The following NRDC variants were observed in gnomAD, a reference collection of about 807,000 sequenced individuals.
The protein encoded by NRDC is nardilysin.
NRDC carries 54 observed loss-of-function variants against 147.1 expected under a neutral mutation model. That is an observed-to-expected ratio of 0.37 (90% CI 0.29 to 0.46). NRDC has a LOEUF of 0.46. NRDC is among the 20% of genes least tolerant of loss of function. The pLI, the probability that NRDC is intolerant of heterozygous loss-of-function variation, is 1.00. For missense variants in NRDC, 1,082 were observed against 1,370.6 expected (o/e 0.79, Z 3.33); for synonymous variants, 440 against 482.1 (o/e 0.91, Z 1.14).
At chr1:51,852,976 C>A (rs887846441) in intron 1 of NRDC, among the ~76,000 whole-genome samples, 3 of 152,008 alleles carry the variant, frequency 2.0e-5, no homozygotes, top group Admixed American at 1.3e-4. Flanking sequence ...ATAATCCCAG[C>A]ACTTTGGGAG....
intron 4 of NRDC, among the ~76,000 whole-genome samples, chr1:51,830,056 C>T (rs1202533154): frequency 1.3e-5 from 2 of 150,954 alleles, no homozygotes; most frequent in Non-Finnish European, 2.9e-5. Flanking sequence ...GCTCTGCCTC[C>T]CACGTTCAAG....
chr1:51,878,694 C>T lies in NRDC; in HGVS notation c.-79G>A, dbSNP rs1001981151. 7.6e-7 allele frequency: 1 copy of T among 1,310,494 alleles called. No individual in the cohort carries two copies. Among genetic ancestry groups the T allele is most frequent in the African/African-American group, 1.5e-5 (1 of 68,770 alleles). The allele number at this position is 1,310,494 out of a possible 1,614,324, so 81.2% of individuals were successfully genotyped here. ...GCGTTCTAGAGGCGGTGGCGGCCGG[C>T]CCTGGTGCTGCCGCAGCCGCGGGGA... On this transcript the variant is annotated 5_prime_UTR_variant, in exon 1 of 31. Transcript: ENST00000352171.
At chr1:51,806,043 G>A (rs1407561645) in intron 18 of NRDC, among the ~76,000 whole-genome samples, 1 of 152,094 alleles carries the variant, frequency 6.6e-6, no homozygotes, top group Non-Finnish European at 1.5e-5. Flanking sequence ...TTGAGGTTGG[G>A]GATATGGGTT....
intron 2 of NRDC, among the ~76,000 whole-genome samples, chr1:51,839,164 T>TC (rs1193555724): frequency 6.7e-6 from 1 of 149,696 alleles, no homozygotes; most frequent in Non-Finnish European, 1.5e-5. Context: ...CTTTTTCTTT[T>TC]TTTTTTTTTT....
rs754434396 is a variant in NRDC, at chr1:51,878,500, G to A, written c.116C>T (p.Ser39Phe). 7 of 1,613,768 alleles carry A rather than the reference G, an allele frequency of 4.3e-6. No homozygotes were observed. In the African/African-American group the frequency reaches 5.3e-5, roughly 12 times the overall value. ...GIETRGRCED[S>F]AAARPFPILA... ...AATAGGAAAGGGTCTGGCAGCAGCA[G>A]AGTCTTCGCACCGACCCCGCGTTTC... Residue 39 changes from serine to phenylalanine, a missense_variant, in exon 1 of 31, where the codon TCT becomes TTT. Around this residue, in one of 3 missense-constraint regions of NRDC, gnomAD observed 260 missense variants for 253.2 expected, o/e 1.03. Coordinates refer to ENST00000352171, the MANE Select transcript of NRDC (RefSeq NM_001101662.2).
intron 29 of NRDC, 129 bp downstream of exon 29, chr1:51,790,404 G>A (rs1449617239): frequency 1.6e-5 from 11 of 698,320 alleles, no homozygotes; most frequent in Admixed American, 4.6e-5. Flanking sequence ...GGAAGTGAGC[G>A]AGTAATCAGG....
intron 28 of NRDC, 64 bp downstream of exon 28, chr1:51,790,836 G>A: frequency 1.4e-6 from 2 of 1,386,090 alleles, no homozygotes; most frequent in Admixed American, 1.9e-5. Flanking sequence ...GCGAAGCCCT[G>A]TTAAGATTTG....
chr1:51,832,531 C>G (rs1056318928), intron 4 of NRDC, among the ~76,000 whole-genome samples: 1 of 152,156 alleles, frequency 6.6e-6, no homozygotes, highest in African/African-American at 2.4e-5. Flanking sequence ...AATTCCTGCT[C>G]TGAAGGAGCT....
chr1:51,846,528 T>C (rs961459180), intron 1 of NRDC, among the ~76,000 whole-genome samples: 3 of 152,266 alleles, frequency 2.0e-5, no homozygotes, highest in African/African-American at 7.2e-5. Flanking sequence ...GTGTTACAGT[T>C]CTTAAAAGCG....
intron 1 of NRDC, 88 bp downstream of exon 1, chr1:51,878,187 T>G (rs1225024584): frequency 2.0e-5 from 30 of 1,470,548 alleles, no homozygotes; most frequent in Non-Finnish European, 2.6e-5. Flanking sequence ...GTTGCTCCAT[T>G]GGGAGACATG....
chr1:51,855,759 G>A (rs181666224), intron 1 of NRDC, among the ~76,000 whole-genome samples: 22 of 152,174 alleles, frequency 1.4e-4, no homozygotes, highest in Admixed American at 1.4e-3. Flanking sequence ...TGTAATCCCA[G>A]CTACTCAGGT....
chr1:51,794,310 C>G (rs1678784253), intron 24 of NRDC, among the ~76,000 whole-genome samples, 162 bp downstream of exon 24: 1 of 152,136 alleles, frequency 6.6e-6, no homozygotes, highest in Admixed American at 6.5e-5. Context: ...AAAAAGGATC[C>G]ATTTTACCAA....
intron 1 of NRDC, among the ~76,000 whole-genome samples, chr1:51,874,727 A>G (rs1398582494): frequency 6.6e-6 from 1 of 152,248 alleles, no homozygotes; most frequent in African/African-American, 2.4e-5. Context: ...GAAGTCCCTT[A>G]ACCCTTCCAG....
chr1:51,791,154 T>C (rs189078750), intron 27 of NRDC, among the ~76,000 whole-genome samples, 164 bp from the exon 28 acceptor site: 1 of 152,304 alleles, frequency 6.6e-6, no homozygotes, highest in East Asian at 1.9e-4. Flanking sequence ...CACCTGACTT[T>C]GAGGACAGAA....
At chr1:51,873,795 G>A (rs1683197543) in intron 1 of NRDC, among the ~76,000 whole-genome samples, 2 of 151,752 alleles carry the variant, frequency 1.3e-5, no homozygotes, top group South Asian at 2.1e-4. Flanking sequence ...ACAGGCGTGA[G>A]CCCCCACGCC....
intron 1 of NRDC, among the ~76,000 whole-genome samples, chr1:51,859,360 T>C (rs916036159): frequency 1.3e-5 from 2 of 152,258 alleles, no homozygotes; most frequent in Non-Finnish European, 2.9e-5. Flanking sequence ...TAAATATAAT[T>C]TGATACTTGC....
chr1:51,855,227 T>C (rs1022693403), intron 1 of NRDC, among the ~76,000 whole-genome samples: 2 of 152,176 alleles, frequency 1.3e-5, no homozygotes, highest in Non-Finnish European at 2.9e-5. Flanking sequence ...AACCCTTACC[T>C]GCAAATCATC....
intron 1 of NRDC, among the ~76,000 whole-genome samples, chr1:51,868,401 G>A (rs530625630): frequency 2.4e-4 from 37 of 152,146 alleles, no homozygotes; most frequent in Middle Eastern, 3.4e-3. Flanking sequence ...AACAGAAGAT[G>A]AAGATGAAGA....
At chr1:51,843,561 T>G (rs931352033) in intron 1 of NRDC, among the ~76,000 whole-genome samples, 9 of 152,224 alleles carry the variant, frequency 5.9e-5, no homozygotes, top group Admixed American at 5.9e-4. Flanking sequence ...AAGCAGGAAT[T>G]AAAAGCCAAC....
Sources: gnomAD v4.1 joint callset for allele counts (sites outside exome capture counted in the v4.1 genomes callset) on GRCh38, gnomAD v4.1.1 for gene constraint, gnomAD v4.1.1 regional missense constraint, MANE v1.5 for transcripts, NCBI Gene and HGNC (gene_info 2026-07-23, HGNC 2026-07-21) for gene names.